Variants in TUBB6 observed in about 807,000 individuals in gnomAD.
The protein encoded by TUBB6 is tubulin beta-6 chain.
TUBB6 carries 18 observed loss-of-function variants against 32.3 expected under a neutral mutation model. That is an observed-to-expected ratio of 0.56 (90% confidence interval 0.39 to 0.83). The LOEUF is 0.83. TUBB6 is among the 40% of genes least tolerant of loss of function. The pLI is 0.00. For synonymous variants in TUBB6, 280 were observed against 265.8 expected, an observed-to-expected ratio of 1.05 and a Z score of -0.52; for missense variants, 480 against 632.0, an observed-to-expected ratio of 0.76 and a Z score of 2.58.
At chr18:12,324,444 ACT>A (rs1907157508) in intron 3 of TUBB6, among the ~76,000 whole-genome samples, 1 of 38,898 alleles carries the variant, frequency 2.6e-5, no homozygotes, top group African/African-American at 4.7e-5. Context: ...AAAGGAGAGA[ACT>A]TTTTTTTTTT....
Position 12,308,248 on chromosome 18 carries a change from G to T in TUBB6, c.-45G>T. On this transcript the variant is annotated 5_prime_UTR_variant, in exon 1 of 4. Coordinates refer to ENST00000317702, the MANE Select transcript of TUBB6 (RefSeq NM_032525.3). ...CGCGCGCAGCCGGCCCGCAGTTGCC[G>T]CTGTCGTCCGCAGAGCCAGTTCCTA... 1 of 1,364,102 alleles carries T rather than the reference G, an allele frequency of 7.3e-7. No homozygotes were observed. The allele number at this position is 1,364,102 out of a possible 1,614,324, so 84.5% of individuals were successfully genotyped here.
chr18:12,308,820 T>C, intron 2 of TUBB6, 25 bp downstream of exon 2: 1 of 1,492,698 alleles, frequency 6.7e-7, no homozygotes, highest in Non-Finnish European at 9.3e-7. Flanking sequence ...CGCCGCGCCC[T>C]GCCCGGCCGG....
intron 3 of TUBB6, among the ~76,000 whole-genome samples, chr18:12,322,116 C>T (rs1037905526): frequency 9.3e-5 from 14 of 151,310 alleles, no homozygotes; most frequent in Admixed American, 4.0e-4. Flanking sequence ...GCCTGGCCAA[C>T]GTGGTGAAAC....
intron 3 of TUBB6, among the ~76,000 whole-genome samples, chr18:12,314,424 G>A (rs956262433): frequency 3.9e-5 from 6 of 151,974 alleles, no homozygotes; most frequent in Non-Finnish European, 5.9e-5. Flanking sequence ...TGAGTCTACC[G>A]TAGTCTCAGT....
chr18:12,322,707 A>C (rs1907053023), intron 3 of TUBB6, among the ~76,000 whole-genome samples: 1 of 152,224 alleles, frequency 6.6e-6, no homozygotes, highest in South Asian at 2.1e-4. Context: ...TCATATATGT[A>C]AAAATTAAGA....
downstream of TUBB6, among the ~76,000 whole-genome samples, chr18:12,328,467 C>G (rs1173575093): frequency 6.6e-6 from 1 of 152,222 alleles, no homozygotes; most frequent in Non-Finnish European, 1.5e-5. Flanking sequence ...TCTGGAAGCA[C>G]ATAACCAATA....
At chr18:12,328,265 G>A (rs748364278), downstream of TUBB6, among the ~76,000 whole-genome samples, 31 of 152,138 alleles carry the variant, frequency 2.0e-4, no homozygotes, top group African/African-American at 5.8e-4. Context: ...CCACTGTTCC[G>A]ACAACATCAA....
intron 3 of TUBB6, among the ~76,000 whole-genome samples, chr18:12,316,398 A>G (rs1906676644): frequency 6.6e-6 from 1 of 152,230 alleles, no homozygotes; most frequent in Non-Finnish European, 1.5e-5. Flanking sequence ...TTGTCCCTGT[A>G]AGCCTTCAAA....
chr18:12,309,272 G>A (rs866779693), intron 2 of TUBB6, among the ~76,000 whole-genome samples: 38 of 149,880 alleles, frequency 2.5e-4, no homozygotes, highest in African/African-American at 8.9e-4. Context: ...CTGAGGGCTT[G>A]AGCTCAGGAG....
At chr18:12,310,824 C>T in intron 2 of TUBB6, 119 bp from the exon 3 acceptor site, 1 of 628,940 alleles carries the variant, frequency 1.6e-6, no homozygotes, top group Non-Finnish European at 2.7e-6. Context: ...TGTACCCTTT[C>T]TGAAAAGACC....
intron 3 of TUBB6, chr18:12,324,740 G>A: frequency 1.6e-6 from 2 of 1,248,738 alleles, no homozygotes; most frequent in South Asian, 7.5e-5. Flanking sequence ...CATGAGCCAC[G>A]GCGCCCGGCC....
Position 12,325,812 on chromosome 18 carries a change from C to T in TUBB6, c.1023C>T (p.Phe341=), listed in dbSNP as rs749135223. The T allele has an allele frequency of 5.0e-6, 8 of 1,614,242 alleles. No individual in the cohort carries two copies. Among genetic ancestry groups the T allele is most frequent in the Non-Finnish European group, 6.8e-6 (8 of 1,180,048 alleles). ...LAIQSKNSSY[F]VEWIPNNVKV... Reference sequence around the variant, plus strand: ...TCCAGAGTAAGAACAGCAGCTACTTCGTGGAGTGGATTCCCAACAACGTGA... The same window carrying T: ...TCCAGAGTAAGAACAGCAGCTACTTTGTGGAGTGGATTCCCAACAACGTGA... The change falls in exon 4 of 4, where the codon TTC becomes TTT. Residue 341 remains phenylalanine (F), a synonymous_variant. Coordinates refer to ENST00000317702, the MANE Select transcript of TUBB6 (RefSeq NM_032525.3).
chr18:12,324,771 T>C, intron 3 of TUBB6: 1 of 1,276,868 alleles, frequency 7.8e-7, no homozygotes, highest in Non-Finnish European at 9.9e-7. Context: ...TTTTTTAATG[T>C]ATACCTTTTG....
chr18:12,329,533 T>A, downstream of TUBB6: 1 of 1,600,168 alleles, frequency 6.2e-7, no homozygotes, highest in Non-Finnish European at 8.6e-7. Context: ...GAAACCACAG[T>A]GGACAGACTG....
Position 12,316,735 on chromosome 18 carries a change from T to C in TUBB6, c.277+5682T>C, listed in dbSNP as rs555979161. Among the ~76,000 whole-genome samples, 3 of 152,364 alleles carry C rather than the reference T, an allele frequency of 2.0e-5. No homozygotes were observed. The East Asian group carries it at 5.8e-4, about 29-fold the overall frequency. Reference sequence around the variant, plus strand: ...CCAGTAAAAGAGGCAGAATTGTCTGTGAACTGGAGATGATCCATCCTCACT... The same window carrying C: ...CCAGTAAAAGAGGCAGAATTGTCTGCGAACTGGAGATGATCCATCCTCACT... On this transcript the variant is annotated intron_variant, in intron 3 of 3. Coordinates refer to ENST00000317702, the MANE Select transcript of TUBB6 (RefSeq NM_032525.3).
intron 2 of TUBB6, among the ~76,000 whole-genome samples, chr18:12,309,928 A>G (rs950793332): frequency 6.6e-6 from 1 of 152,212 alleles, no homozygotes; most frequent in Non-Finnish European, 1.5e-5. Context: ...ATGTGTATGC[A>G]TGGGGGAGGT....
intron 3 of TUBB6, among the ~76,000 whole-genome samples, chr18:12,318,470 A>G (rs1426505158): frequency 6.6e-6 from 1 of 150,972 alleles, no homozygotes; most frequent in Non-Finnish European, 1.5e-5. Flanking sequence ...TGAGAGTACT[A>G]AAGTGGCCAG....
chr18:12,322,356 C>A (rs567160921), intron 3 of TUBB6, among the ~76,000 whole-genome samples: 2 of 139,524 alleles, frequency 1.4e-5, no homozygotes, highest in Non-Finnish European at 3.1e-5. Context: ...ATTGAAAATA[C>A]TTTTTTTTTT....
At chr18:12,324,941 C>A (rs543715533) in intron 3 of TUBB6, 126 bp from the exon 4 acceptor site, 4 of 1,498,852 alleles carry the variant, frequency 2.7e-6, no homozygotes, top group Non-Finnish European at 3.5e-6. Flanking sequence ...GTGCCTGTTT[C>A]CCCGGCCCCT....
Sources: gnomAD v4.1 joint callset for allele counts (sites outside exome capture counted in the v4.1 genomes callset) on GRCh38, gnomAD v4.1.1 for gene constraint, MANE v1.5 for transcripts, NCBI Gene and HGNC (gene_info 2026-07-23, HGNC 2026-07-21) for gene names.